Variants in CACNA2D3 observed in about 807,000 individuals in gnomAD.
CACNA2D3 encodes the protein voltage-dependent calcium channel subunit alpha-2/delta-3.
CACNA2D3 carries 60 observed loss-of-function variants against 160.6 expected under a neutral mutation model. The ratio of observed to expected loss-of-function variants is 0.37; its 90% CI spans 0.30 to 0.46. CACNA2D3 has a LOEUF of 0.46. Among genes scored for constraint, CACNA2D3 ranks in the 20% least tolerant of loss-of-function variants. The pLI, the probability that CACNA2D3 is intolerant of heterozygous loss-of-function variation, is 1.00. For missense variants in CACNA2D3, 1,205 were observed against 1,365.0 expected (o/e 0.88, Z 1.85); for synonymous variants, 558 against 492.9 (o/e 1.13, Z -1.75).
chr3:55,045,800 T>C (rs1016563046), intron 35 of CACNA2D3, among the ~76,000 whole-genome samples: 2 of 124,678 alleles, frequency 1.6e-5, no homozygotes, highest in Admixed American at 1.5e-4. Flanking sequence ...TTGTAATAGA[T>C]AAAACAGTCT....
chr3:54,435,557 G>A (rs567449232), intron 4 of CACNA2D3, among the ~76,000 whole-genome samples: 2 of 152,108 alleles, frequency 1.3e-5, no homozygotes, highest in South Asian at 4.1e-4. Context: ...GGCCCAGTGG[G>A]AAGCTAACGT....
rs551765712 is a variant in CACNA2D3, at chr3:54,966,435, C to T, written c.2450-2015C>T. ...GCTTTTGTGTTGTGTAGTCTGGCCA[C>T]GTGGCCCACATCACAGTAGGTCCCC... On this transcript the variant is annotated intron_variant, in intron 27 of 37. Transcript: ENST00000474759. Among the ~76,000 whole-genome samples, 266 of 152,270 alleles carry T rather than the reference C, an allele frequency of 1.7e-3. 1 individual carries two copies. Among genetic ancestry groups the T allele is most frequent in the Non-Finnish European group, 1.9e-3 (126 of 68,020 alleles).
chr3:55,062,312 A>G (rs889520297), intron 35 of CACNA2D3, among the ~76,000 whole-genome samples: 10 of 147,652 alleles, frequency 6.8e-5, no homozygotes, highest in South Asian at 6.4e-4. Flanking sequence ...CAGCCTCACT[A>G]TAAGTTTCCC....
At chr3:54,492,866 T>G (rs941201077) in intron 4 of CACNA2D3, among the ~76,000 whole-genome samples, 5 of 152,140 alleles carry the variant, frequency 3.3e-5, no homozygotes, top group African/African-American at 9.7e-5. Context: ...TCTCTGGACA[T>G]GCTGCATCTG....
intron 4 of CACNA2D3, among the ~76,000 whole-genome samples, chr3:54,430,472 A>G (rs542175516): frequency 6.6e-6 from 1 of 152,200 alleles, no homozygotes; most frequent in Non-Finnish European, 1.5e-5. Context: ...CTTTGTCTCC[A>G]GAACTGACAG....
At chr3:54,183,892 G>GAAAAAAAAAAAA (rs58956795) in intron 2 of CACNA2D3, among the ~76,000 whole-genome samples, 3 of 80,798 alleles carry the variant, frequency 3.7e-5, no homozygotes, top group Non-Finnish European at 4.3e-5. Flanking sequence ...TCTCAAAAAA[G>GAAAAAAAAAAAA]AAAAAAAAAA....
intron 27 of CACNA2D3, among the ~76,000 whole-genome samples, chr3:54,960,718 T>C (rs1702011900): frequency 6.6e-6 from 1 of 152,232 alleles, no homozygotes; most frequent in South Asian, 2.1e-4. Context: ...TTCCCGAGGA[T>C]ACTCTGTTCT....
At chr3:54,712,872 G>A (rs2106967115) in intron 11 of CACNA2D3, among the ~76,000 whole-genome samples, 2 of 152,256 alleles carry the variant, frequency 1.3e-5, no homozygotes, top group East Asian at 3.9e-4. Context: ...TGGTCCCATG[G>A]GATAACTGGC....
intron 4 of CACNA2D3, among the ~76,000 whole-genome samples, chr3:54,500,552 CCTTT>C (rs1215581950): frequency 9.6e-5 from 14 of 146,206 alleles, no homozygotes; most frequent in African/African-American, 2.8e-4. Context: ...TTCCTTCCTT[CCTTT>C]CTCTCTCTTT....
chr3:54,754,805 C>T (rs1701940692), intron 12 of CACNA2D3, among the ~76,000 whole-genome samples: 1 of 152,080 alleles, frequency 6.6e-6, no homozygotes, highest in African/African-American at 2.4e-5. Flanking sequence ...TGGGTCTTAG[C>T]TCCAGTTTTG....
intron 11 of CACNA2D3, among the ~76,000 whole-genome samples, chr3:54,725,691 G>A (rs916508069): frequency 6.6e-6 from 1 of 152,110 alleles, no homozygotes; most frequent in Non-Finnish European, 1.5e-5. Flanking sequence ...ATGCAGAAAA[G>A]GCCTTTGACA....
chr3:54,296,808 T>C (rs1703351795), intron 2 of CACNA2D3, among the ~76,000 whole-genome samples: 1 of 152,142 alleles, frequency 6.6e-6, no homozygotes, highest in African/African-American at 2.4e-5. Context: ...AATTGTGTTG[T>C]GGGGAAAAAG....
intron 5 of CACNA2D3, among the ~76,000 whole-genome samples, chr3:54,511,832 T>G (rs1213064057): frequency 6.6e-6 from 1 of 152,196 alleles, no homozygotes; most frequent in Non-Finnish European, 1.5e-5. Context: ...AAAAAATGGC[T>G]TAGAGAAGTT....
At chr3:54,998,397 G>T (rs1702905069) in intron 31 of CACNA2D3, among the ~76,000 whole-genome samples, 1 of 152,180 alleles carries the variant, frequency 6.6e-6, no homozygotes, top group Admixed American at 6.5e-5. Flanking sequence ...GCTTCTCAAA[G>T]TTGTGGGATT....
chr3:54,763,858 CAT>C (rs61163409), intron 12 of CACNA2D3, among the ~76,000 whole-genome samples: 34,133 of 42,960 alleles, frequency 0.79, 14,401 homozygotes, highest in Admixed American at 0.9. Flanking sequence ...CATATATATA[CAT>C]ATATATATAC....
intron 4 of CACNA2D3, among the ~76,000 whole-genome samples, chr3:54,461,176 G>T (rs1320131925): frequency 6.6e-6 from 1 of 152,106 alleles, no homozygotes; most frequent in Non-Finnish European, 1.5e-5. Flanking sequence ...GATTTGGTTT[G>T]GCAGTATTTG....
intron 31 of CACNA2D3, among the ~76,000 whole-genome samples, chr3:54,989,723 A>G (rs990359044): frequency 3.9e-5 from 6 of 152,344 alleles, no homozygotes; most frequent in African/African-American, 1.4e-4. Context: ...GCATGTATGA[A>G]GAGCTCAATT....
rs1703056913 is a variant in CACNA2D3, at chr3:55,004,848, A to G, written c.2766+10A>G. On this transcript the variant is annotated intron_variant, in intron 32 of 37. Coordinates refer to ENST00000474759, the MANE Select transcript of CACNA2D3 (RefSeq NM_018398.3). ...CCATGGCCTCCTGGATGTAAGTACT[A>G]TGCTGTCACTCAGAAAACAGCCACA... 2 of 1,600,672 alleles carry G rather than the reference A, an allele frequency of 1.2e-6. No individual in the cohort carries two copies. Among genetic ancestry groups the G allele is most frequent in the South Asian group, 2.2e-5 (2 of 90,678 alleles).
intron 13 of CACNA2D3, among the ~76,000 whole-genome samples, chr3:54,785,787 G>T (rs1702629532): frequency 1.3e-5 from 2 of 152,164 alleles, no homozygotes; most frequent in African/African-American, 4.8e-5. Context: ...GGTAAATGAG[G>T]CAAACACCAT....
Sources: gnomAD v4.1 joint callset for allele counts (sites outside exome capture counted in the v4.1 genomes callset) on GRCh38, gnomAD v4.1.1 for gene constraint, MANE v1.5 for transcripts, NCBI Gene and HGNC (gene_info 2026-07-23, HGNC 2026-07-21) for gene names.